Variants in PTPRD observed in about 807,000 individuals in gnomAD.
PTPRD encodes protein tyrosine phosphatase receptor type D, also known as receptor-type tyrosine-protein phosphatase delta.
In PTPRD, 34 loss-of-function variants were observed where a neutral mutation model predicts 214.5. The ratio of observed to expected loss-of-function variants is 0.16; its 90% CI spans 0.12 to 0.21. PTPRD has a LOEUF of 0.21. PTPRD is among the 10% of genes least tolerant of loss of function. The pLI, the probability that PTPRD is intolerant of heterozygous loss-of-function variation, is 1.00. For missense variants in PTPRD, 2,545 were observed against 2,398.7 expected (o/e 1.06, Z -1.27); for synonymous variants, 1,128 against 845.7 (o/e 1.33, Z -5.79).
chr9:9,073,942 C>A (rs1326501911), intron 10 of PTPRD, among the ~76,000 whole-genome samples: 2 of 151,900 alleles, frequency 1.3e-5, no homozygotes, highest in African/African-American at 4.8e-5. Flanking sequence ...TCAACAGTTT[C>A]CCCACCTGTA....
At chr9:9,119,058 A>G (rs2099815053) in intron 10 of PTPRD, among the ~76,000 whole-genome samples, 1 of 152,170 alleles carries the variant, frequency 6.6e-6, no homozygotes, top group Admixed American at 6.5e-5. Flanking sequence ...ATTAATGGGG[A>G]CAAATGTAAT....
chr9:8,516,260 T>C (rs2097778853), intron 21 of PTPRD, among the ~76,000 whole-genome samples: 1 of 152,174 alleles, frequency 6.6e-6, no homozygotes, highest in African/African-American at 2.4e-5. Context: ...TTTTTCTGCA[T>C]ATTACTACAG....
At chr9:9,516,232 A>G (rs961024638) in intron 8 of PTPRD, among the ~76,000 whole-genome samples, 3 of 89,314 alleles carry the variant, frequency 3.4e-5, no homozygotes, top group African/African-American at 1.1e-4. Context: ...TCTACAGTCC[A>G]TCTAAATCTA....
At chr9:9,099,105 G>A (rs1458673840) in intron 10 of PTPRD, among the ~76,000 whole-genome samples, 1 of 152,152 alleles carries the variant, frequency 6.6e-6, no homozygotes, top group Admixed American at 6.5e-5. Flanking sequence ...AAATAAAATT[G>A]TGCATATGTT....
At chr9:10,156,894 C>T (rs1350389596) in intron 3 of PTPRD, among the ~76,000 whole-genome samples, 1 of 152,154 alleles carries the variant, frequency 6.6e-6, no homozygotes, top group African/African-American at 2.4e-5. Context: ...TAACACCCTT[C>T]TTTGTCTTTT....
chr9:10,245,241 G>T (rs896987804), intron 3 of PTPRD, among the ~76,000 whole-genome samples: 1 of 152,080 alleles, frequency 6.6e-6, no homozygotes, highest in Non-Finnish European at 1.5e-5. Context: ...ATAGAAACCT[G>T]TGTAAAGCAG....
At chr9:8,529,202 G>C (rs1452143880) in intron 14 of PTPRD, among the ~76,000 whole-genome samples, 7 of 152,080 alleles carry the variant, frequency 4.6e-5, no homozygotes, top group African/African-American at 1.7e-4. Flanking sequence ...TGTAGGCATT[G>C]AGGTAGGAAA....
intron 3 of PTPRD, among the ~76,000 whole-genome samples, chr9:10,329,511 C>T (rs1216680550): frequency 6.6e-6 from 1 of 151,772 alleles, no homozygotes; most frequent in Non-Finnish European, 1.5e-5. Context: ...TTTCTACTTG[C>T]ACTTCTGATA....
At chr9:9,242,053 C>T (rs984983065) in intron 9 of PTPRD, among the ~76,000 whole-genome samples, 4 of 152,022 alleles carry the variant, frequency 2.6e-5, no homozygotes. Context: ...GTGACAAAAT[C>T]TCTCAGCATT....
At position 9,767,252 on chromosome 9, in the gene PTPRD, T is replaced by C. The variant is rs138263242; in HGVS notation, c.-367-401A>G. On this transcript the variant is annotated intron_variant, in intron 5 of 45. Coordinates refer to ENST00000381196, the MANE Select transcript of PTPRD (RefSeq NM_002839.4). ...GAAAGATGAAGCAGGTTAAATAGATTTTATAATAAAAGCATTATAATGTTT... is the reference window on the plus strand; with the variant it reads ...GAAAGATGAAGCAGGTTAAATAGATCTTATAATAAAAGCATTATAATGTTT... Among the ~76,000 whole-genome samples the C allele has an allele frequency of 2.2e-3, 334 of 152,172 alleles. 1 individual carries two copies. The highest frequency in any genetic ancestry group is 7.6e-3 in the African/African-American group (317 of 41,576).
chr9:9,711,281 T>A (rs1332134997), intron 7 of PTPRD, among the ~76,000 whole-genome samples: 1 of 152,212 alleles, frequency 6.6e-6, no homozygotes, highest in Non-Finnish European at 1.5e-5. Flanking sequence ...CTTGTTTATA[T>A]CAATTAACCT....
intron 5 of PTPRD, among the ~76,000 whole-genome samples, chr9:9,824,350 G>C (rs912522931): frequency 6.6e-6 from 1 of 151,814 alleles, no homozygotes; most frequent in African/African-American, 2.4e-5. Context: ...CATAATTTCT[G>C]AATAGAATTT....
chr9:8,522,886 CAAG>C (rs1185063823), intron 19 of PTPRD, among the ~76,000 whole-genome samples: 1 of 152,028 alleles, frequency 6.6e-6, no homozygotes, highest in Non-Finnish European at 1.5e-5. Context: ...CTCATAACCC[CAAG>C]AAGAAGATAA....
intron 5 of PTPRD, among the ~76,000 whole-genome samples, chr9:9,913,410 C>A (rs1180432973): frequency 6.6e-6 from 1 of 151,746 alleles, no homozygotes; most frequent in Non-Finnish European, 1.5e-5. Flanking sequence ...GAAAAAAAAA[C>A]AAAACAGAGT....
At chr9:8,820,101 C>G (rs2097019653) in intron 11 of PTPRD, among the ~76,000 whole-genome samples, 2 of 152,006 alleles carry the variant, frequency 1.3e-5, no homozygotes, top group Non-Finnish European at 1.5e-5. Flanking sequence ...GAATATGTAA[C>G]AATAACATAG....
chr9:9,969,647 A>G (rs1048217636), intron 4 of PTPRD, among the ~76,000 whole-genome samples: 1 of 152,222 alleles, frequency 6.6e-6, no homozygotes, highest in African/African-American at 2.4e-5. Context: ...TTTGTGGCTC[A>G]TTAAATCTGC....
chr9:8,930,316 A>G (rs1457322543), intron 11 of PTPRD, among the ~76,000 whole-genome samples: 8 of 152,046 alleles, frequency 5.3e-5, no homozygotes, highest in Non-Finnish European at 1.2e-4. Context: ...GCTGCATAGT[A>G]TTCCATGGTG....
intron 3 of PTPRD, among the ~76,000 whole-genome samples, chr9:10,057,425 T>C (rs2097674498): frequency 1.3e-5 from 2 of 152,152 alleles, no homozygotes; most frequent in South Asian, 4.1e-4. Context: ...TTAGCTGTTT[T>C]GTACCAGCAT....
At chr9:8,485,497 A>T (rs1283322471) in intron 28 of PTPRD, 173 bp from the exon 29 acceptor site, 1 of 622,728 alleles carries the variant, frequency 1.6e-6, no homozygotes, top group Non-Finnish European at 2.8e-6. Context: ...TCTCACAGAG[A>T]TCTTTCCTTT....
Sources: gnomAD v4.1 joint callset for allele counts (sites outside exome capture counted in the v4.1 genomes callset) on GRCh38, gnomAD v4.1.1 for gene constraint, MANE v1.5 for transcripts, NCBI Gene and HGNC (gene_info 2026-07-23, HGNC 2026-07-21) for gene names.